Variants in PHTF2 observed in about 807,000 individuals in gnomAD.
The protein encoded by PHTF2 is putative homeodomain transcription factor 2.
A neutral mutation model predicts 101.2 loss-of-function variants in PHTF2; 60 were observed. The observed-to-expected ratio is 0.59, with a 90% confidence interval of 0.48 to 0.73. The LOEUF is 0.73. PHTF2 is among the 30% of genes least tolerant of loss of function. The pLI is 0.00. For missense variants in PHTF2, 747 were observed against 908.7 expected, an observed-to-expected ratio of 0.82 and a Z score of 2.29; for synonymous variants, 311 against 307.3, an observed-to-expected ratio of 1.01 and a Z score of -0.13.
intron 15 of PHTF2, among the ~76,000 whole-genome samples, chr7:77,941,858 A>G (rs1299337275): frequency 2.6e-5 from 4 of 152,126 alleles, no homozygotes; most frequent in Non-Finnish European, 5.9e-5. Flanking sequence ...TTGGCCCTAT[A>G]TTCTTAAAAC....
intron 3 of PHTF2, among the ~76,000 whole-genome samples, chr7:77,876,093 TCTTTA>T (rs1488622715): frequency 2.6e-5 from 4 of 152,204 alleles, no homozygotes; most frequent in Non-Finnish European, 5.9e-5. Context: ...GTATCTGCAC[TCTTTA>T]CTTAACAGTG....
At chr7:77,895,240 A>G (rs1646736240) in intron 5 of PHTF2, 3 of 437,200 alleles carry the variant, frequency 6.9e-6, no homozygotes, top group South Asian at 1.7e-5. Flanking sequence ...AAAACATTAT[A>G]TAGATATAGC....
At chr7:77,898,350 A>G (rs1014040601) in intron 5 of PHTF2, among the ~76,000 whole-genome samples, 1 of 152,240 alleles carries the variant, frequency 6.6e-6, no homozygotes, top group East Asian at 1.9e-4. Context: ...TATAAAAAAC[A>G]AGTAAATTAA....
chr7:77,839,033 C>T (rs534964938), intron 1 of PHTF2, among the ~76,000 whole-genome samples: 136 of 152,302 alleles, frequency 8.9e-4, no homozygotes, highest in Non-Finnish European at 1.9e-3. Flanking sequence ...TCCCACTCAT[C>T]ATGCATGCTC....
At chr7:77,883,962 T>A (rs918848800) in intron 3 of PHTF2, among the ~76,000 whole-genome samples, 4 of 152,240 alleles carry the variant, frequency 2.6e-5, no homozygotes, top group African/African-American at 9.6e-5. Flanking sequence ...CAAGACTATC[T>A]TTTTACATTT....
At chr7:77,867,471 C>A (rs1366039888) in intron 3 of PHTF2, among the ~76,000 whole-genome samples, 1 of 152,168 alleles carries the variant, frequency 6.6e-6, no homozygotes, top group Non-Finnish European at 1.5e-5. Flanking sequence ...GCTGTAATAC[C>A]TACTTAATAG....
chr7:77,908,795 G>C, exon 8 of PHTF2: 1 of 1,555,892 alleles, frequency 6.4e-7, no homozygotes, highest in South Asian at 1.2e-5. Flanking sequence ...TTTTATAGTT[G>C]CTGCAATAGT....
chr7:77,937,637 T>C, intron 12 of PHTF2, 73 bp from the exon 12 acceptor site: 1 of 517,810 alleles, frequency 1.9e-6, no homozygotes. Context: ...GAGATATATA[T>C]ACAACTTTAT....
intron 3 of PHTF2, among the ~76,000 whole-genome samples, chr7:77,878,275 G>T (rs1584567878): frequency 6.6e-6 from 1 of 152,152 alleles, no homozygotes; most frequent in Middle Eastern, 3.4e-3. Context: ...GATCAGGGAT[G>T]AAATCATAGG....
At chr7:77,816,113 C>T (rs1481921892) in intron 1 of PHTF2, among the ~76,000 whole-genome samples, 1 of 151,850 alleles carries the variant, frequency 6.6e-6, no homozygotes, top group Non-Finnish European at 1.5e-5. Context: ...CATGATCTGT[C>T]GCCCAGGCTG....
chr7:77,955,112 G>T, exon 20 of PHTF2: 1 of 270,350 alleles, frequency 3.7e-6, no homozygotes, highest in East Asian at 6.0e-5. Flanking sequence ...TTGTTGAAAG[G>T]GTGATGAAAC....
At position 77,893,889 on chromosome 7, in the gene PHTF2, T is replaced by A. The variant is rs574848508; in HGVS notation, c.205-93T>A. The stretch of plus-strand genomic sequence containing the variant: ...CTTTTAAAATTGAATTTCTAATGAC[T>A]ATTTTTTTGTCAGCTTTTTTCCCCT... On this transcript the variant is annotated intron_variant, in intron 4 of 19. Transcript: ENST00000416283. 2.7e-5 allele frequency: 25 copies of A among 933,606 alleles called. No homozygotes were observed. The African/African-American group carries it at 3.6e-4, about 13-fold the overall frequency. The allele number at this position is 933,606 out of a possible 1,614,324, so 57.8% of individuals were successfully genotyped here.
At chr7:77,955,030 T>C in exon 20 of PHTF2, 1 of 387,226 alleles carries the variant, frequency 2.6e-6, no homozygotes, top group Admixed American at 4.6e-5. Flanking sequence ...CTTATATTTA[T>C]TTTACTGGTT....
At chr7:77,863,551 G>T (rs1028118628) in intron 3 of PHTF2, among the ~76,000 whole-genome samples, 4 of 151,938 alleles carry the variant, frequency 2.6e-5, no homozygotes, top group Admixed American at 6.6e-5. Context: ...TACCTATAGA[G>T]ATTGATTTTT....
At chr7:77,932,016 CTT>C (rs1804613908) in intron 12 of PHTF2, among the ~76,000 whole-genome samples, 1 of 152,188 alleles carries the variant, frequency 6.6e-6, no homozygotes. Flanking sequence ...ATAAGAATCA[CTT>C]GAACCTGGGA....
intron 1 of PHTF2, among the ~76,000 whole-genome samples, chr7:77,809,224 G>GTTTTTTGTT (rs1414635728): frequency 2.0e-5 from 2 of 98,510 alleles, no homozygotes; most frequent in African/African-American, 4.5e-5. Context: ...CCAGTTCGTT[G>GTTTTTTGTT]TTTTTTTTTT....
At chr7:77,809,572 T>C (rs1449522230) in intron 1 of PHTF2, among the ~76,000 whole-genome samples, 4 of 152,144 alleles carry the variant, frequency 2.6e-5, no homozygotes, top group African/African-American at 4.8e-5. Context: ...TGTGTGTGTG[T>C]GCGCAAAATA....
At chr7:77,954,929 C>G in exon 20 of PHTF2, 1 of 1,002,474 alleles carries the variant, frequency 1.0e-6, no homozygotes, top group Non-Finnish European at 1.5e-6. Context: ...AGAGTACTGA[C>G]TAAGCTGCCT....
At chr7:77,937,080 GA>G (rs71082797) in intron 12 of PHTF2, among the ~76,000 whole-genome samples, 31,093 of 144,070 alleles carry the variant, frequency 0.22, 3,297 homozygotes, top group African/African-American at 0.26. Context: ...GCTTTATCTG[GA>G]AAAAAAAAAA....
Sources: gnomAD v4.1 joint callset for allele counts (sites outside exome capture counted in the v4.1 genomes callset) on GRCh38, gnomAD v4.1.1 for gene constraint, MANE v1.5 for transcripts, NCBI Gene and HGNC (gene_info 2026-07-23, HGNC 2026-07-21) for gene names.